Variants in IST1 observed in about 807,000 individuals in gnomAD.
IST1 encodes IST1 homolog.
Under a neutral mutation model 37.0 loss-of-function variants are expected in IST1, and 23 were observed. The ratio of observed to expected loss-of-function variants is 0.62; its 90% CI spans 0.45 to 0.88. IST1 has a LOEUF of 0.88. Among genes scored for constraint, IST1 ranks in the 40% least tolerant of loss-of-function variants. IST1 has a pLI of 0.00. For missense variants in IST1, 488 were observed against 445.4 expected, an observed-to-expected ratio of 1.10 and a Z score of -0.86; for synonymous variants, 180 against 161.7, an observed-to-expected ratio of 1.11 and a Z score of -0.86.
chr16:71,921,473 C>T lies in IST1; in HGVS notation c.552+20C>T. 4.8e-6 allele frequency: 7 copies of T among 1,469,642 alleles called. No homozygotes were observed. The highest frequency in any genetic ancestry group is 5.7e-6 in the Non-Finnish European group (6 of 1,051,846). 91.0% of individuals were successfully genotyped at this position (1,469,642 alleles called of 1,614,324 possible). ...GTCATGGTAAGTTTATCCCAGAATACAAAGAAAAATGAGTTTGTAGGTATG... is the reference window on the plus strand; with the variant it reads ...GTCATGGTAAGTTTATCCCAGAATATAAAGAAAAATGAGTTTGTAGGTATG... On this transcript the variant is annotated intron_variant, in intron 6 of 9. Coordinates refer to ENST00000378799, the MANE Select transcript of IST1 (RefSeq NM_001270975.2).
At position 71,915,479 on chromosome 16, in the gene IST1, A is replaced by G. The variant is rs530963026; in HGVS notation, c.-15-147A>G. On this transcript the variant is annotated intron_variant, in intron 1 of 9. Coordinates refer to ENST00000378799, the MANE Select transcript of IST1 (RefSeq NM_001270975.2). ...AGTTTTTTTTACAACAGCCAAAACA[A>G]TCTGTAAAAAATGTGAATTAGATCA... 257 of 565,948 alleles carry G rather than the reference A, an allele frequency of 4.5e-4. 3 individuals are homozygous for G. In the Middle Eastern group the frequency reaches 5.3e-3, roughly 12 times the overall value. 35.1% of individuals were successfully genotyped at this position (565,948 alleles called of 1,614,324 possible). A position where few individuals can be genotyped will look rare whatever the true frequency, so the allele number is the denominator to read the frequency against.
upstream of IST1, chr16:71,894,580 C>CT (rs1280140394): frequency 1.7e-5 from 7 of 421,380 alleles, no homozygotes; most frequent in Admixed American, 1.2e-4. Context: ...GGCTGGAGTG[C>CT]TGTGACGTGA....
intron 5 of IST1, 146 bp downstream of exon 5, chr16:71,920,968 G>A: frequency 1.4e-6 from 1 of 707,202 alleles, no homozygotes; most frequent in Non-Finnish European, 2.6e-6. Context: ...TGTGTGGCTG[G>A]CAGTGTGGTC....
At chr16:71,894,670 T>C (rs1175344512), upstream of IST1, 1 of 560,964 alleles carries the variant, frequency 1.8e-6, no homozygotes, top group African/African-American at 1.9e-5. Context: ...AGACCACAAG[T>C]GCTCACTGCT....
intron 1 of IST1, 61 bp from the exon 2 acceptor site, chr16:71,915,565 G>A: frequency 9.4e-7 from 1 of 1,059,202 alleles, no homozygotes; most frequent in South Asian, 1.4e-5. Flanking sequence ...ACCCCTAAGA[G>A]GTGTTAGTTC....
At position 71,924,825 on chromosome 16, in the gene IST1, G is replaced by A. The variant is rs374266620; in HGVS notation, c.901+8G>A. On this transcript the variant is annotated splice_region_variant and intron_variant, in intron 9 of 9. Transcript: ENST00000378799. ...CTTCTGCACAGATTGTTGGTGAGTA[G>A]TATCAATCAGAAACCTGCAGAGCTC... 1.1e-5 allele frequency: 18 copies of A among 1,589,836 alleles called. No homozygotes were observed. Among genetic ancestry groups the A allele is most frequent in the African/African-American group, 1.3e-5 (1 of 74,376 alleles).
intron 1 of IST1, among the ~76,000 whole-genome samples, chr16:71,910,390 AAGTC>A (rs2037323046): frequency 1.3e-5 from 2 of 152,092 alleles, no homozygotes; most frequent in African/African-American, 4.8e-5. Context: ...GCGGATTACA[AAGTC>A]AGGAGATCGA....
At chr16:71,912,824 C>G (rs923254000) in intron 1 of IST1, among the ~76,000 whole-genome samples, 2 of 152,190 alleles carry the variant, frequency 1.3e-5, no homozygotes, top group African/African-American at 4.8e-5. Flanking sequence ...ATTTTAGATA[C>G]CTCACAAAAG....
chr16:71,902,606 A>T (rs1421458115), intron 1 of IST1, among the ~76,000 whole-genome samples: 1 of 151,894 alleles, frequency 6.6e-6, no homozygotes, highest in Non-Finnish European at 1.5e-5. Flanking sequence ...GTGCAGCTAT[A>T]TTTTCTATTT....
In IST1 at chr16:71,931,159, A is replaced by G. The variant is rs1440080328; in HGVS notation, c.*3346A>G. 5 of 152,190 alleles carry G rather than the reference A, an allele frequency of 3.3e-5. No individual in the cohort carries two copies. The highest frequency in any genetic ancestry group is 2.1e-4 in the South Asian group (1 of 4,830). The allele number at this position is 152,190 out of a possible 1,614,324, so 9.4% of individuals were successfully genotyped here. A position where few individuals can be genotyped will look rare whatever the true frequency, so the allele number is the denominator to read the frequency against. On this transcript the variant is annotated 3_prime_UTR_variant, in exon 10 of 10. Coordinates refer to ENST00000378799, the MANE Select transcript of IST1 (RefSeq NM_001270975.2). Reference sequence around the variant, plus strand: ...TATGTACAATTACATCCAAAGCAGAAAAGTTCCTTTTTTATCCCCAAAAGG... The same window carrying G: ...TATGTACAATTACATCCAAAGCAGAGAAGTTCCTTTTTTATCCCCAAAAGG...
At chr16:71,902,408 T>C (rs1213627130) in intron 1 of IST1, among the ~76,000 whole-genome samples, 1 of 152,128 alleles carries the variant, frequency 6.6e-6, no homozygotes, top group African/African-American at 2.4e-5. Context: ...TAGCTGGGAT[T>C]ACAGATGCCT....
chr16:71,895,831 G>C (rs1198003361), intron 1 of IST1, among the ~76,000 whole-genome samples: 1 of 152,230 alleles, frequency 6.6e-6, no homozygotes, highest in East Asian at 1.9e-4. Flanking sequence ...GAGCGGGTCG[G>C]AGGCCTCTGG....
chr16:71,910,948 ATG>A (rs2037340584), intron 1 of IST1, among the ~76,000 whole-genome samples: 1 of 152,218 alleles, frequency 6.6e-6, no homozygotes, highest in African/African-American at 2.4e-5. Context: ...TAGTATTATA[ATG>A]TGTATGCTAC....
intron 1 of IST1, among the ~76,000 whole-genome samples, chr16:71,904,102 T>G (rs2037167799): frequency 6.6e-6 from 1 of 152,132 alleles, no homozygotes; most frequent in Admixed American, 6.6e-5. Flanking sequence ...ATGTAACCCC[T>G]CCAACGTTCT....
intron 1 of IST1, among the ~76,000 whole-genome samples, chr16:71,902,929 C>T (rs989470313): frequency 2.6e-5 from 4 of 151,622 alleles, no homozygotes; most frequent in African/African-American, 9.7e-5. Context: ...TTTTTGCTTA[C>T]TTTGGTTTGA....
At chr16:71,899,709 C>T (rs954367141) in intron 1 of IST1, among the ~76,000 whole-genome samples, 1 of 150,732 alleles carries the variant, frequency 6.6e-6, no homozygotes, top group African/African-American at 2.4e-5. Flanking sequence ...AACCCTGTCT[C>T]TACTAAAAAT....
At chr16:71,923,236 G>C (rs532124337) in intron 7 of IST1, 52 bp from the exon 8 acceptor site, 4 of 1,042,738 alleles carry the variant, frequency 3.8e-6, no homozygotes, top group Non-Finnish European at 4.4e-6. Flanking sequence ...CCAAACCTTC[G>C]AGATTGCAAA....
chr16:71,921,236 T>C (rs1023580990), intron 5 of IST1, 107 bp from the exon 6 acceptor site: 19 of 703,008 alleles, frequency 2.7e-5, no homozygotes, highest in Non-Finnish European at 4.5e-5. Flanking sequence ...AACCTTTTTT[T>C]CCCTCAATAT....
rs912928128 is a variant in IST1, at chr16:71,930,605, A to C, written c.*2792A>C. The C allele has an allele frequency of 2.0e-5, 3 of 153,110 alleles. No individual in the cohort carries two copies. Among genetic ancestry groups the C allele is most frequent in the African/African-American group, 7.2e-5 (3 of 41,490 alleles). The allele number at this position is 153,110 out of a possible 1,614,324, so 9.5% of individuals were successfully genotyped here. A position where few individuals can be genotyped will look rare whatever the true frequency, so the allele number is the denominator to read the frequency against. On this transcript the variant is annotated 3_prime_UTR_variant, in exon 10 of 10. Transcript: ENST00000378799. ...AAACTACAACCCTAAACACAGGAGC[A>C]TTCCAATAAAAGTTAACAGGTTGGC... is the stretch of plus-strand genomic sequence containing the variant.
Sources: allele counts gnomAD v4.1 joint callset (sites outside exome capture counted in the v4.1 genomes callset), GRCh38; gene constraint gnomAD v4.1.1; transcripts MANE v1.5; gene names NCBI Gene and HGNC (gene_info 2026-07-23, HGNC 2026-07-21).